NPRL3: variants seen among roughly 807,000 people sequenced by gnomAD.
The protein encoded by NPRL3 is NPR3 like, GATOR1 complex subunit.
A neutral mutation model predicts 57.2 loss-of-function variants in NPRL3; 23 were observed. The ratio of observed to expected loss-of-function variants is 0.40; its 90% confidence interval spans 0.29 to 0.57. The LOEUF (loss-of-function observed/expected upper bound fraction) is 0.57. Ranked by LOEUF, NPRL3 falls within the 20% of genes least tolerant of loss-of-function variation. The probability of loss-of-function intolerance (pLI) is 0.42; values close to 1 mark genes in which losing one functional copy is unlikely to be tolerated. For synonymous variants in NPRL3, 333 were observed against 321.1 expected, an observed-to-expected ratio of 1.04 and a Z score of -0.39; for missense variants, 691 against 767.1, an observed-to-expected ratio of 0.90 and a Z score of 1.17.
chr16:100,778 GCTAA>G (rs1341077111), intron 7 of NPRL3, among the ~76,000 whole-genome samples: 2 of 22,882 alleles, frequency 8.7e-5, no homozygotes, highest in East Asian at 1.1e-3. Context: ...GACCAGCCTG[GCTAA>G]TAACACGGTG....
Position 85,882 on chromosome 16 carries a change from C to A in NPRL3, c.*823G>T, listed in dbSNP as rs2141892865. On this transcript the variant is annotated 3_prime_UTR_variant, in exon 14 of 14. Transcript: ENST00000611875. The stretch of plus-strand genomic sequence containing the variant: ...GCCAGAGCTCCTCTAGGTGATCAAC[C>A]CATGTCTGGAGCTAGCTCTTCCTCC... The A allele has an allele frequency of 7.9e-7, 1 of 1,269,972 alleles. No homozygotes were observed. Among genetic ancestry groups the A allele is most frequent in the Non-Finnish European group, 1.0e-6 (1 of 987,124 alleles). 78.7% of individuals were successfully genotyped at this position (1,269,972 alleles called of 1,614,324 possible).
rs543545910 is a variant in NPRL3 at position 112,159 on chromosome 16, G to A, written c.547+463C>T. Among the ~76,000 whole-genome samples the A allele has an allele frequency of 1.4e-3, 213 of 152,326 alleles. 2 individuals carry two copies. Among genetic ancestry groups the A allele is most frequent in the Non-Finnish European group, 1.3e-3 (87 of 68,028 alleles). The stretch of plus-strand genomic sequence containing the variant: ...AATAGTTTCTTCAACATCTCCAACA[G>A]GACCAGGGCTAGGCAGAGCTGCCTC... On this transcript the variant is annotated intron_variant, in intron 6 of 13. Coordinates refer to ENST00000611875, the MANE Select transcript of NPRL3 (RefSeq NM_001077350.3).
chr16:118,948 GCCCAGGGGAAGCCAAATCTA>G (rs1402845067), intron 4 of NPRL3, among the ~76,000 whole-genome samples, 158 bp downstream of exon 4: 1 of 148,104 alleles, frequency 6.8e-6, no homozygotes, highest in Non-Finnish European at 1.5e-5. Context: ...AGCCACATCT[GCCCAGGGGAAGCCAAATCTA>G]CCCAGGGGGA....
intron 7 of NPRL3, 93 bp from the exon 8 acceptor site, chr16:100,602 T>G (rs948191414): frequency 4.0e-6 from 5 of 1,252,960 alleles, no homozygotes; most frequent in Non-Finnish European, 5.1e-6. Flanking sequence ...CTGATTCCCC[T>G]GCTGCTTAGG....
At position 86,883 on chromosome 16, in the gene NPRL3, G is replaced by A. The variant is rs897574670; in HGVS notation, c.1545-13C>T. On this transcript the variant is annotated splice_polypyrimidine_tract_variant and intron_variant, in intron 13 of 13. Coordinates refer to ENST00000611875, the MANE Select transcript of NPRL3 (RefSeq NM_001077350.3). The stretch of plus-strand genomic sequence containing the variant: ...GTAGTGAAGGAGCCTGGAAGGGATG[G>A]GTGGGTGTGAGCCCAACCTGACACC... 1 of 1,610,676 alleles carries A rather than the reference G, an allele frequency of 6.2e-7. No homozygotes were observed. Among genetic ancestry groups the A allele is most frequent in the Middle Eastern group, 1.7e-4 (1 of 5,984 alleles).
chr16:89,052 T>C, intron 12 of NPRL3, 162 bp from the exon 13 acceptor site: 1 of 661,048 alleles, frequency 1.5e-6, no homozygotes, highest in South Asian at 1.9e-5. Context: ...CTCCTGGGTG[T>C]GACACGCCCC....
chr16:106,629 TAAAA>T (rs763058746), intron 7 of NPRL3, among the ~76,000 whole-genome samples: 5,968 of 60,164 alleles, frequency 0.099, 231 homozygotes, highest in African/African-American at 0.25. Flanking sequence ...TGCCTTAAAT[TAAAA>T]AAAAAAAAAA....
chr16:91,970 C>T (rs1567130564), intron 11 of NPRL3, among the ~76,000 whole-genome samples: 1 of 152,152 alleles, frequency 6.6e-6, no homozygotes, highest in African/African-American at 2.4e-5. Context: ...GATGCAGGTG[C>T]ACCAGTTCAT....
Position 86,848 on chromosome 16 carries a change from G to T in NPRL3, c.1567C>A (p.Arg523Ser), listed in dbSNP as rs189283988. Residue 523 changes from arginine (R) to serine (S), a missense_variant, in exon 14 of 14, where the codon CGC becomes AGC. By Grantham distance (110) the Arg-to-Ser change is moderately radical. Coordinates refer to ENST00000611875, the MANE Select transcript of NPRL3 (RefSeq NM_001077350.3). ...FARLLHYFRG[R>S]HHLEEIMYNE... ...TACATAATCTCCTCCAGGTGGTGGC[G>T]GCCGCGGAAGTAGTGAAGGAGCCTG... 1 of 1,613,232 alleles carries T rather than the reference G, an allele frequency of 6.2e-7. No individual in the cohort carries two copies. The highest frequency in any genetic ancestry group is 8.5e-7 in the Non-Finnish European group (1 of 1,179,690).
intron 3 of NPRL3, among the ~76,000 whole-genome samples, chr16:120,356 T>A (rs1425832735): frequency 6.6e-6 from 1 of 152,144 alleles, no homozygotes; most frequent in Non-Finnish European, 1.5e-5. Context: ...CTGGTCATGC[T>A]TCTTCCCCAG....
chr16:134,281 AG>A (rs1373348938), intron 2 of NPRL3, among the ~76,000 whole-genome samples: 1 of 152,174 alleles, frequency 6.6e-6, no homozygotes, highest in East Asian at 1.9e-4. Context: ...GGTTGGAAAA[AG>A]CATAGGCAAA....
intron 6 of NPRL3, among the ~76,000 whole-genome samples, chr16:111,065 A>G (rs1183520640): frequency 6.6e-6 from 1 of 152,222 alleles, no homozygotes; most frequent in African/African-American, 2.4e-5. Flanking sequence ...TATCACAATT[A>G]TAATTAGTAT....
intron 3 of NPRL3, among the ~76,000 whole-genome samples, chr16:128,374 G>A (rs1335552111): frequency 6.6e-6 from 1 of 152,188 alleles, no homozygotes; most frequent in African/African-American, 2.4e-5. Flanking sequence ...TCTAAGGCAG[G>A]CCACGACCAC....
intron 3 of NPRL3, among the ~76,000 whole-genome samples, chr16:129,059 T>C (rs989124013): frequency 6.6e-6 from 1 of 152,218 alleles, no homozygotes; most frequent in Admixed American, 6.5e-5. Context: ...TACCTCTTCA[T>C]TACGTTAAAT....
At chr16:132,008 C>CT (rs61664945) in intron 2 of NPRL3, among the ~76,000 whole-genome samples, 339 of 144,974 alleles carry the variant, frequency 2.3e-3, no homozygotes, top group South Asian at 0.011. Flanking sequence ...TTCTTTCTTT[C>CT]TTTTTTTTTT....
rs762208602 is a variant in NPRL3, at chr16:89,841, G to A, written c.1223C>T (p.Thr408Ile). The A allele has an allele frequency of 6.3e-7, 1 of 1,578,820 alleles. No individual in the cohort carries two copies. Among genetic ancestry groups the A allele is most frequent in the Non-Finnish European group, 8.6e-7 (1 of 1,163,810 alleles). The change falls in exon 12 of 14, where the codon ACC becomes ATC. Residue 408 changes from threonine to isoleucine, a missense_variant. Physicochemically the swap from Thr to Ile is moderately conservative, Grantham distance 89 (BLOSUM62 -1). Coordinates refer to ENST00000611875, the MANE Select transcript of NPRL3 (RefSeq NM_001077350.3). ...GGGTGAGGCCATCAGGCAGACATAG[G>A]TGTGCAGCTGGATGAGAAGCCGGCG... Reference protein sequence around the residue: ...LQRRLLIQLHTYVCLMASPSE... With the variant: ...LQRRLLIQLHIYVCLMASPSE...
chr16:132,521 G>A (rs1040411104), intron 2 of NPRL3, among the ~76,000 whole-genome samples: 1 of 152,136 alleles, frequency 6.6e-6, no homozygotes, highest in Admixed American at 6.6e-5. Flanking sequence ...CCAAACTCCT[G>A]TTACTGTTGA....
At chr16:106,629 TAAAAAAAAAA>T (rs763058746) in intron 7 of NPRL3, among the ~76,000 whole-genome samples, 4 of 60,052 alleles carry the variant, frequency 6.7e-5, no homozygotes, top group East Asian at 6.8e-4. Context: ...TGCCTTAAAT[TAAAAAAAAAA>T]AAAAAAAAAA....
chr16:111,009 C>G (rs1464077315), intron 6 of NPRL3, among the ~76,000 whole-genome samples: 1 of 152,042 alleles, frequency 6.6e-6, no homozygotes, highest in Non-Finnish European at 1.5e-5. Flanking sequence ...AAGTCACAGA[C>G]TCTAAAAAGA....
Sources: gnomAD v4.1 joint callset for allele counts (sites outside exome capture counted in the v4.1 genomes callset) on GRCh38, gnomAD v4.1.1 for gene constraint, MANE v1.5 for transcripts, NCBI Gene and HGNC (gene_info 2026-07-23, HGNC 2026-07-21) for gene names.